Variants in PTPRC observed in about 807,000 individuals in gnomAD.
PTPRC encodes the protein protein tyrosine phosphatase receptor type C, also known as receptor-type tyrosine-protein phosphatase C.
Under a neutral mutation model 155.9 loss-of-function variants are expected in PTPRC, and 44 were observed. The ratio of observed to expected loss-of-function variants is 0.28; its 90% confidence interval spans 0.22 to 0.36. The LOEUF (loss-of-function observed/expected upper bound fraction) is 0.36, where lower values mean the gene tolerates loss of function less well. PTPRC is among the 10% of genes least tolerant of loss of function. The pLI is 1.00. For synonymous variants in PTPRC, 525 were observed against 533.1 expected, an observed-to-expected ratio of 0.98 and a Z score of 0.21; for missense variants, 1,401 against 1,564.6, an observed-to-expected ratio of 0.90 and a Z score of 1.76.
chr1:198,685,970 G>A (rs1043831484), intron 2 of PTPRC, among the ~76,000 whole-genome samples: 8 of 151,388 alleles, frequency 5.3e-5, no homozygotes, highest in African/African-American at 1.9e-4. Flanking sequence ...TTTTTAGCGG[G>A]GAGGGAGAAC....
At chr1:198,724,305 G>T (rs1205608623) in intron 15 of PTPRC, among the ~76,000 whole-genome samples, 1 of 152,090 alleles carries the variant, frequency 6.6e-6, no homozygotes, top group East Asian at 1.9e-4. Flanking sequence ...TGTGTTGTTG[G>T]GTTTCCCCGG....
chr1:198,755,113 A>ATAAG (rs1655569300), intron 32 of PTPRC, among the ~76,000 whole-genome samples: 2 of 152,250 alleles, frequency 1.3e-5, no homozygotes, highest in African/African-American at 4.8e-5. Flanking sequence ...AGCCAAATAA[A>ATAAG]TAAGTCATAA....
At chr1:198,746,801 C>T (rs1166838467) in intron 26 of PTPRC, among the ~76,000 whole-genome samples, 1 of 151,804 alleles carries the variant, frequency 6.6e-6, no homozygotes, top group Non-Finnish European at 1.5e-5. Context: ...GGTGACTACA[C>T]TCACAAGAGC....
At chr1:198,684,141 T>C (rs2102341078) in intron 2 of PTPRC, among the ~76,000 whole-genome samples, 1 of 151,506 alleles carries the variant, frequency 6.6e-6, no homozygotes, top group African/African-American at 2.4e-5. Context: ...AGATAAATAG[T>C]TTAAGACAGA....
rs569319362 is a variant in PTPRC, at chr1:198,752,853, C to A, written c.3509+81C>A. ...TCACATGTTGTCTTATCTAGTTATC[C>A]TCATATATGAAACACATAACCACAG... is the stretch of plus-strand genomic sequence containing the variant. On this transcript the variant is annotated intron_variant, in intron 31 of 32. Coordinates refer to ENST00000442510, the MANE Select transcript of PTPRC (RefSeq NM_002838.5). The A allele has an allele frequency of 1.4e-5, 21 of 1,471,376 alleles. No individual in the cohort carries two copies. The East Asian group carries it at 4.6e-4, about 32-fold the overall frequency. 91.1% of individuals were successfully genotyped at this position (1,471,376 alleles called of 1,614,324 possible).
intron 2 of PTPRC, among the ~76,000 whole-genome samples, chr1:198,664,201 C>T (rs1324929434): frequency 6.6e-6 from 1 of 152,102 alleles, no homozygotes; most frequent in Admixed American, 6.5e-5. Context: ...AAGGCGGTGC[C>T]TGTGGCTGTG....
chr1:198,735,010 C>T, intron 22 of PTPRC, 117 bp from the exon 23 acceptor site: 4 of 909,550 alleles, frequency 4.4e-6, no homozygotes, highest in Non-Finnish European at 6.7e-6. Flanking sequence ...TTAAACTATA[C>T]AACTGTTTTG....
chr1:198,751,183 A>G (rs1158192366), intron 29 of PTPRC, among the ~76,000 whole-genome samples: 1 of 152,032 alleles, frequency 6.6e-6, no homozygotes, highest in East Asian at 1.9e-4. Flanking sequence ...CTCCTGAAAA[A>G]TGTATCTATA....
At chr1:198,739,793 C>G (rs1415176898) in intron 23 of PTPRC, among the ~76,000 whole-genome samples, 1 of 151,604 alleles carries the variant, frequency 6.6e-6, no homozygotes, top group Non-Finnish European at 1.5e-5. Flanking sequence ...TCTCCTCAGC[C>G]CATGGATCAT....
At chr1:198,687,073 A>G (rs1665666171) in intron 2 of PTPRC, among the ~76,000 whole-genome samples, 1 of 152,132 alleles carries the variant, frequency 6.6e-6, no homozygotes, top group Admixed American at 6.5e-5. Context: ...TGGCACCATC[A>G]CATCTCACTA....
intron 13 of PTPRC, among the ~76,000 whole-genome samples, chr1:198,717,851 C>T (rs1287578270): frequency 6.6e-6 from 1 of 152,156 alleles, no homozygotes; most frequent in African/African-American, 2.4e-5. Flanking sequence ...CAGTCTCCTT[C>T]AGGGATTGCA....
chr1:198,658,567 C>A (rs1366065016), intron 2 of PTPRC, among the ~76,000 whole-genome samples: 3 of 152,064 alleles, frequency 2.0e-5, no homozygotes, highest in Non-Finnish European at 4.4e-5. Context: ...GAAGTGGTAA[C>A]TTTGGTGAAG....
At chr1:198,741,023 G>T (rs1654876592) in intron 23 of PTPRC, among the ~76,000 whole-genome samples, 2 of 151,810 alleles carry the variant, frequency 1.3e-5, no homozygotes, top group Non-Finnish European at 2.9e-5. Context: ...AGAGTGCTGT[G>T]AAACAATCCT....
intron 24 of PTPRC, 100 bp from the exon 25 acceptor site, chr1:198,742,132 G>A: frequency 6.2e-7 from 1 of 1,602,152 alleles, no homozygotes; most frequent in South Asian, 1.1e-5. Context: ...TTGCTATTTT[G>A]GGAAACAACC....
chr1:198,717,284 C>G (rs547021386), intron 13 of PTPRC, among the ~76,000 whole-genome samples: 1 of 152,174 alleles, frequency 6.6e-6, no homozygotes, highest in Admixed American at 6.6e-5. Context: ...TTCTTCTCTT[C>G]GTTACCCTCA....
intron 2 of PTPRC, among the ~76,000 whole-genome samples, chr1:198,674,782 G>C (rs2102305759): frequency 6.6e-6 from 1 of 152,146 alleles, no homozygotes; most frequent in East Asian, 1.9e-4. Flanking sequence ...AAGTTGCAAA[G>C]ATAGTAAGGA....
chr1:198,732,351 T>C lies in PTPRC; in HGVS notation c.2026T>C (p.Phe676Leu). Residue 676 changes from phenylalanine to leucine, a missense_variant, in exon 19 of 33, where the codon TTT (phenylalanine) becomes CTT (leucine). By Grantham distance (22) the Phe-to-Leu change is conservative. This residue lies in a region of PTPRC where 867 missense variants were observed against 970.4 expected (regional missense o/e 0.89). Coordinates refer to ENST00000442510, the MANE Select transcript of PTPRC (RefSeq NM_002838.5). Reference protein sequence around the residue: ...KFPIKEARKPFNQNKNRYVDI... With the variant: ...KFPIKEARKPLNQNKNRYVDI... ...TCCTATAAAGGAAGCTCGAAAGCCC[T>C]TTAACCAGAATAAAAACCGTTATGT... 3 of 1,612,656 alleles carry C rather than the reference T, an allele frequency of 1.9e-6. No individual in the cohort carries two copies. Among genetic ancestry groups the C allele is most frequent in the South Asian group, 1.1e-5 (1 of 91,062 alleles).
chr1:198,755,966 G>A lies in PTPRC; in HGVS notation c.3706G>A (p.Val1236Ile), dbSNP rs746116164. ...ASTYPAQNGQ[V>I]KKNNHQEDKI... ...CACCTACCCTGCTCAGAATGGACAA[G>A]TAAAGAAAAACAACCATCAAGAAGA... Residue 1236 changes from valine (V) to isoleucine (I), a missense_variant, in exon 33 of 33, where the codon GTA becomes ATA. Physicochemically the swap from Val to Ile is conservative, Grantham distance 29. Coordinates refer to ENST00000442510, the MANE Select transcript of PTPRC (RefSeq NM_002838.5). 8.1e-6 allele frequency: 13 copies of A among 1,612,942 alleles called. No individual in the cohort carries two copies. Among genetic ancestry groups the A allele is most frequent in the Non-Finnish European group, 1.1e-5 (13 of 1,179,420 alleles).
chr1:198,665,931 A>C (rs1462601105), intron 2 of PTPRC, among the ~76,000 whole-genome samples: 1 of 152,162 alleles, frequency 6.6e-6, no homozygotes, highest in African/African-American at 2.4e-5. Context: ...GTATATCTTT[A>C]CCAGCAAAGG....
Sources: gnomAD v4.1 joint callset for allele counts (sites outside exome capture counted in the v4.1 genomes callset) on GRCh38, gnomAD v4.1.1 for gene constraint, gnomAD v4.1.1 regional missense constraint, MANE v1.5 for transcripts, NCBI Gene and HGNC (gene_info 2026-07-23, HGNC 2026-07-21) for gene names.